Variants in OPRM1 observed in about 807,000 individuals in gnomAD.
OPRM1 encodes the protein mu-type opioid receptor.
OPRM1 carries 27 observed loss-of-function variants against 31.8 expected under a neutral mutation model. The observed-to-expected ratio is 0.85, with a 90% CI of 0.63 to 1.17. The LOEUF (loss-of-function observed/expected upper bound fraction) is 1.17, where lower values mean the gene tolerates loss of function less well. Ranked by LOEUF, OPRM1 falls within the 50% of genes most tolerant of loss-of-function variation. The pLI, the probability that OPRM1 is intolerant of heterozygous loss-of-function variation, is 0.00. For missense variants in OPRM1, 536 were observed against 511.1 expected (o/e 1.05, Z -0.47); for synonymous variants, 196 against 189.9 (o/e 1.03, Z -0.26).
intron 1 of OPRM1, among the ~76,000 whole-genome samples, chr6:154,012,119 A>G (rs1267760135): frequency 6.6e-6 from 1 of 152,188 alleles, no homozygotes; most frequent in Non-Finnish European, 1.5e-5. Flanking sequence ...GGACTGAACA[A>G]AAGGTTTGGA....
intron 1 of OPRM1, among the ~76,000 whole-genome samples, chr6:154,041,027 G>A (rs951503081): frequency 1.3e-5 from 2 of 151,628 alleles, no homozygotes; most frequent in Non-Finnish European, 1.5e-5. Context: ...TTCATATTTA[G>A]TTACAATGTT....
chr6:154,090,884 C>T, intron 2 of OPRM1, 68 bp from the exon 3 acceptor site: 2 of 1,361,482 alleles, frequency 1.5e-6, no homozygotes, highest in Non-Finnish European at 2.0e-6. Context: ...AGCAAAATGG[C>T]AGTATTAACA....
intron 3 of OPRM1, among the ~76,000 whole-genome samples, chr6:154,193,962 CT>C (rs34447420): frequency 0.52 from 79,072 of 151,956 alleles, 20,972 homozygotes; most frequent in East Asian, 0.71. Flanking sequence ...ACTTCAAAGA[CT>C]TTTTTTTGTC....
chr6:154,099,650 T>G, intron 3 of OPRM1, among the ~76,000 whole-genome samples: 1 of 146,702 alleles, frequency 6.8e-6, no homozygotes, highest in Non-Finnish European at 1.5e-5. Context: ...CACATATATA[T>G]ACACACATGT....
chr6:154,191,054 T>A (rs919891147), intron 3 of OPRM1, among the ~76,000 whole-genome samples: 1 of 151,740 alleles, frequency 6.6e-6, no homozygotes, highest in African/African-American at 2.4e-5. Context: ...AGACTCCATC[T>A]CAAAAAAAGA....
rs796806930 is a variant in OPRM1, at chr6:154,127,510, A to T, written c.*8789A>T. 3.3e-5 allele frequency among the ~76,000 whole-genome samples: 5 copies of T among 152,282 alleles called. No individual in the cohort carries two copies. Among genetic ancestry groups the T allele is most frequent in the African/African-American group, 1.2e-4 (5 of 41,562 alleles). ...CCCTGAAATGTTTGTCATCACACAG[A>T]TACACGCTCAGGATAAGAACTACCA... On this transcript the variant is annotated 3_prime_UTR_variant, in exon 4 of 4. Transcript: ENST00000330432.
At chr6:154,240,535 G>C (rs1780496619) in intron 3 of OPRM1, among the ~76,000 whole-genome samples, 1 of 151,096 alleles carries the variant, frequency 6.6e-6, no homozygotes, top group Non-Finnish European at 1.5e-5. Flanking sequence ...AAAAAAAAAG[G>C]TACTCTATAT....
chr6:154,057,270 T>G (rs1783496663), intron 1 of OPRM1, among the ~76,000 whole-genome samples: 1 of 152,198 alleles, frequency 6.6e-6, no homozygotes, highest in Non-Finnish European at 1.5e-5. Flanking sequence ...AAGCACTCTC[T>G]TAGGAGTTTC....
chr6:154,039,281 C>T lies in OPRM1; in HGVS notation c.-264C>T. 6.4e-7 allele frequency: 1 copy of T among 1,551,540 alleles called. No homozygotes were observed. The highest frequency in any genetic ancestry group is 8.7e-7 in the Non-Finnish European group (1 of 1,146,918). On this transcript the variant is annotated 5_prime_UTR_variant, in exon 1 of 4. Coordinates refer to ENST00000330432, the MANE Select transcript of OPRM1 (RefSeq NM_000914.5). ...CTCCGAATCCCGCATGGCCCACGCT[C>T]CCCTCCTGCAGCGGTGCGGGGCAGG...
chr6:154,059,056 G>T (rs536603145), intron 1 of OPRM1, among the ~76,000 whole-genome samples: 1 of 152,236 alleles, frequency 6.6e-6, no homozygotes, highest in Admixed American at 6.5e-5. Context: ...GGTTCATTTG[G>T]ATGGCTGACA....
chr6:154,223,375 A>G, intron 3 of OPRM1: 1 of 712,456 alleles, frequency 1.4e-6, no homozygotes, highest in Middle Eastern at 2.9e-4. Flanking sequence ...ACCACCCTGA[A>G]TCACCATGGA....
chr6:154,109,037 C>T, intron 3 of OPRM1: 1 of 985,002 alleles, frequency 1.0e-6, no homozygotes, highest in Non-Finnish European at 1.2e-6. Flanking sequence ...TTATAGGTCA[C>T]ATCAAGAGAA....
intron 3 of OPRM1, among the ~76,000 whole-genome samples, chr6:154,231,868 C>A (rs1024645164): frequency 6.6e-6 from 1 of 152,002 alleles, no homozygotes; most frequent in Non-Finnish European, 1.5e-5. Context: ...AAGCAATTCT[C>A]GAAATTAAAA....
chr6:154,020,078 G>A (rs1235497128), intron 1 of OPRM1, among the ~76,000 whole-genome samples: 1 of 151,984 alleles, frequency 6.6e-6, no homozygotes, highest in Non-Finnish European at 1.5e-5. Flanking sequence ...CCATTGTCTG[G>A]ATGTACTACA....
At chr6:154,032,904 A>T (rs779583618) in intron 1 of OPRM1, among the ~76,000 whole-genome samples, 5 of 152,244 alleles carry the variant, frequency 3.3e-5, no homozygotes, top group Non-Finnish European at 7.3e-5. Flanking sequence ...CTCATGAGTT[A>T]TTTAAGTGGA....
chr6:154,241,041 T>TC lies in OPRM1; in HGVS notation c.1165-5650dup, dbSNP rs562433196. On this transcript the variant is annotated intron_variant, in intron 3 of 3. Coordinates refer to the OPRM1 transcript ENST00000337049. ...TCATGAGGTCAAGAGATCGAGACCA[T>TC]CCTGGCCAACATGGTGAAACCCCGT... 2.9e-3 allele frequency among the ~76,000 whole-genome samples: 442 copies of TC among 151,954 alleles called. 3 individuals are homozygous for TC. The highest frequency in any genetic ancestry group is 0.02 in the Middle Eastern group (6 of 294).
rs751201729 is a variant in OPRM1, at chr6:154,087,989, A to G, written c.291-1837A>G. Among the ~76,000 whole-genome samples the G allele has an allele frequency of 4.6e-5, 7 of 152,164 alleles. 1 individual carries two copies. Among genetic ancestry groups the G allele is most frequent in the Non-Finnish European group, 1.0e-4 (7 of 68,024 alleles). On this transcript the variant is annotated intron_variant, in intron 1 of 3. Transcript: ENST00000330432. ...ACTTACCCAGGAGGAAGAAAAGCATATGTTTATATAAAGACTTGCACATGA... is the reference window on the plus strand; with the variant it reads ...ACTTACCCAGGAGGAAGAAAAGCATGTGTTTATATAAAGACTTGCACATGA...
At chr6:154,170,428 A>G (rs541519289) in intron 3 of OPRM1, among the ~76,000 whole-genome samples, 77 of 152,358 alleles carry the variant, frequency 5.1e-4, no homozygotes, top group African/African-American at 1.8e-3. Context: ...CTCCTCTACG[A>G]TTAGAAACCT....
At chr6:154,110,187 T>G (rs1426322970) in intron 3 of OPRM1, among the ~76,000 whole-genome samples, 1 of 152,184 alleles carries the variant, frequency 6.6e-6, no homozygotes, top group Non-Finnish European at 1.5e-5. Context: ...GTTTTCCCTT[T>G]TGTTTTATTT....
Sources: allele counts gnomAD v4.1 joint callset (sites outside exome capture counted in the v4.1 genomes callset), GRCh38; gene constraint gnomAD v4.1.1; transcripts MANE v1.5; gene names NCBI Gene and HGNC (gene_info 2026-07-23, HGNC 2026-07-21).